The following TAF3 variants were observed in gnomAD, a reference collection of about 807,000 sequenced individuals.
The protein encoded by TAF3 is transcription initiation factor TFIID subunit 3.
In TAF3, 7 loss-of-function variants were observed where a neutral mutation model predicts 80.6. That is an observed-to-expected ratio of 0.09 (90% CI 0.05 to 0.16). TAF3 has a LOEUF of 0.16. TAF3 is among the 10% of genes least tolerant of loss of function. The probability of loss-of-function intolerance (pLI) is 1.00; values close to 1 mark genes in which losing one functional copy is unlikely to be tolerated. For missense variants in TAF3, 921 were observed against 1,140.2 expected (o/e 0.81, Z 2.77); for synonymous variants, 444 against 446.1 (o/e 1.00, Z 0.06).
At chr10:7,950,092 C>T (rs953421880) in intron 2 of TAF3, among the ~76,000 whole-genome samples, 30 of 152,270 alleles carry the variant, frequency 2.0e-4, no homozygotes, top group African/African-American at 6.5e-4. Context: ...GGTGGTTTAG[C>T]AGCAGAAGGC....
intron 3 of TAF3, among the ~76,000 whole-genome samples, chr10:7,972,438 A>G (rs1022472819): frequency 2.6e-5 from 4 of 152,198 alleles, no homozygotes; most frequent in African/African-American, 9.7e-5. Flanking sequence ...TAGTTTTTAG[A>G]TATATCCTGG....
chr10:7,890,138 G>A (rs1315270543), intron 2 of TAF3, among the ~76,000 whole-genome samples: 1 of 152,140 alleles, frequency 6.6e-6, no homozygotes, highest in Non-Finnish European at 1.5e-5. Context: ...CACTTCGCTG[G>A]GACTTTTCTC....
chr10:8,007,561 ATTATATATATATAT>A (rs1564382513), intron 4 of TAF3, among the ~76,000 whole-genome samples: 1 of 62,204 alleles, frequency 1.6e-5, no homozygotes, highest in Non-Finnish European at 2.9e-5. Context: ...TGTGTGTGAA[ATTATATATATATAT>A]ATATATATAT....
At chr10:7,910,767 G>A (rs546358838) in intron 2 of TAF3, among the ~76,000 whole-genome samples, 2 of 152,302 alleles carry the variant, frequency 1.3e-5, no homozygotes, top group East Asian at 1.9e-4. Context: ...CTAACTAAAA[G>A]ACAGGAATAA....
intron 4 of TAF3, among the ~76,000 whole-genome samples, chr10:8,008,295 C>T (rs138577542): frequency 0.076 from 11,595 of 151,864 alleles, 698 homozygotes; most frequent in African/African-American, 0.15. Context: ...GACGGTGTTT[C>T]ACCATGTTGG....
rs1385464037 is a variant in TAF3 at position 8,009,769 on chromosome 10, G to A, written c.2568+439G>A. Among the ~76,000 whole-genome samples the A allele has an allele frequency of 6.6e-6, 1 of 151,610 alleles. No individual in the cohort carries two copies. Among genetic ancestry groups the A allele is most frequent in the African/African-American group, 2.4e-5 (1 of 41,246 alleles). On this transcript the variant is annotated intron_variant, in intron 5 of 6. Transcript: ENST00000344293. The surrounding 1 kb of genome is among the most constrained non-coding windows in gnomAD (Gnocchi z 4.1). Reference sequence around the variant, plus strand: ...CCTGAGTAGCTGGGATTACAGGCACGTGCCACCACACCTGGCCAATTTTTT... The same window carrying A: ...CCTGAGTAGCTGGGATTACAGGCACATGCCACCACACCTGGCCAATTTTTT...
At chr10:7,944,529 G>A (rs1441786885) in intron 2 of TAF3, among the ~76,000 whole-genome samples, 1 of 152,124 alleles carries the variant, frequency 6.6e-6, no homozygotes. Context: ...AACGTTAAAG[G>A]ACATAGCAGG....
intron 2 of TAF3, among the ~76,000 whole-genome samples, chr10:7,916,349 A>G (rs910394565): frequency 2.0e-5 from 3 of 152,248 alleles, no homozygotes; most frequent in Non-Finnish European, 4.4e-5. Context: ...AATTAGCCTT[A>G]TGCACCATCA....
chr10:7,921,291 A>G (rs1167430119), intron 2 of TAF3, among the ~76,000 whole-genome samples: 1 of 152,184 alleles, frequency 6.6e-6, no homozygotes, highest in Non-Finnish European at 1.5e-5. Flanking sequence ...TGAGAAATAT[A>G]ATGTAGTATG....
At chr10:7,901,137 G>C (rs1351446463) in intron 2 of TAF3, among the ~76,000 whole-genome samples, 4 of 152,008 alleles carry the variant, frequency 2.6e-5, no homozygotes, top group Non-Finnish European at 5.9e-5. Context: ...GACTTATCTA[G>C]GTGTTGGCTG....
At chr10:8,013,447 T>A (rs890379399) in intron 5 of TAF3, among the ~76,000 whole-genome samples, 17 of 152,188 alleles carry the variant, frequency 1.1e-4, no homozygotes, top group African/African-American at 4.1e-4. Flanking sequence ...GGTCATATTG[T>A]TCACAGAGAT....
intron 4 of TAF3, among the ~76,000 whole-genome samples, chr10:8,003,723 C>T (rs989517948): frequency 6.6e-6 from 1 of 152,182 alleles, no homozygotes; most frequent in Non-Finnish European, 1.5e-5. Context: ...CATATGCCTA[C>T]ATTAAAGAGA....
intron 2 of TAF3, among the ~76,000 whole-genome samples, chr10:7,862,711 C>G (rs1333008052): frequency 6.6e-6 from 1 of 152,216 alleles, no homozygotes. Flanking sequence ...CAGGCAACCA[C>G]TGACCTATTT....
chr10:7,934,836 A>G (rs1011403478), intron 2 of TAF3, among the ~76,000 whole-genome samples: 2 of 152,260 alleles, frequency 1.3e-5, no homozygotes, highest in African/African-American at 2.4e-5. Flanking sequence ...TAACTAATCT[A>G]TTCATTTCAA....
chr10:7,864,037 T>C (rs958018448), intron 2 of TAF3, among the ~76,000 whole-genome samples: 9 of 152,160 alleles, frequency 5.9e-5, no homozygotes, highest in Non-Finnish European at 1.3e-4. Context: ...ACTGTCAGTA[T>C]CCTAAGCCAG....
intron 2 of TAF3, among the ~76,000 whole-genome samples, chr10:7,947,653 G>A (rs1838039064): frequency 6.6e-6 from 1 of 152,202 alleles, no homozygotes; most frequent in African/African-American, 2.4e-5. Flanking sequence ...GGAGAAGCTT[G>A]GTGAGTTTGA....
At chr10:7,843,348 A>G (rs1457178998) in intron 2 of TAF3, among the ~76,000 whole-genome samples, 3 of 150,838 alleles carry the variant, frequency 2.0e-5, no homozygotes, top group African/African-American at 7.3e-5. Flanking sequence ...GGCTCAAGCG[A>G]TCCTCCCCAC....
chr10:7,966,151 C>T (rs538518820), intron 3 of TAF3, among the ~76,000 whole-genome samples: 2 of 152,336 alleles, frequency 1.3e-5, no homozygotes, highest in African/African-American at 2.4e-5. Context: ...TGCAAAACCA[C>T]GGCACTATTT....
At chr10:7,928,953 T>C (rs1168649644) in intron 2 of TAF3, among the ~76,000 whole-genome samples, 2 of 152,242 alleles carry the variant, frequency 1.3e-5, no homozygotes, top group South Asian at 2.1e-4. Context: ...TTTTTAAGTG[T>C]TCTGCATTTG....
Sources: gnomAD v4.1 joint callset for allele counts (sites outside exome capture counted in the v4.1 genomes callset) on GRCh38, gnomAD v4.1.1 for gene constraint, Gnocchi (gnomAD v3.1) non-coding constraint, MANE v1.5 for transcripts, NCBI Gene and HGNC (gene_info 2026-07-23, HGNC 2026-07-21) for gene names.